Variants in VGLL3 observed in about 807,000 individuals in gnomAD.
VGLL3 encodes transcription cofactor vestigial-like protein 3.
In VGLL3, 18 loss-of-function variants were observed where a neutral mutation model predicts 29.2. That is an observed-to-expected ratio of 0.62 (90% CI 0.43 to 0.91). VGLL3 has a LOEUF of 0.91. VGLL3 is among the 40% of genes least tolerant of loss of function. VGLL3 has a pLI of 0.00. For synonymous variants in VGLL3, 180 were observed against 151.8 expected, an observed-to-expected ratio of 1.19 and a Z score of -1.36; for missense variants, 440 against 413.2, an observed-to-expected ratio of 1.06 and a Z score of -0.56.
chr3:86,946,916 C>T lies in VGLL3; in HGVS notation c.*108G>A. The T allele has an allele frequency of 2.8e-6, 2 of 725,966 alleles. No individual in the cohort carries two copies. Among genetic ancestry groups the T allele is most frequent in the South Asian group, 1.6e-5 (1 of 64,354 alleles). The allele number at this position is 725,966 out of a possible 1,614,324, so 45.0% of individuals were successfully genotyped here. On this transcript the variant is annotated 3_prime_UTR_variant, in exon 4 of 4. Transcript: ENST00000398399. ...TCAACTGCGTGACACTTTGTCTTCTCCTTCTATGCCTTTCGTGTCCTATTG... is the reference window on the plus strand; with the variant it reads ...TCAACTGCGTGACACTTTGTCTTCTTCTTCTATGCCTTTCGTGTCCTATTG...
intron 3 of VGLL3, chr3:86,961,862 A>C (rs1311000156): frequency 2.3e-6 from 2 of 884,298 alleles, no homozygotes; most frequent in Non-Finnish European, 2.7e-6. Context: ...CCCTCAAAAA[A>C]TGTGTTCATC....
intron 3 of VGLL3, chr3:86,962,530 C>T: frequency 1.0e-6 from 1 of 983,698 alleles, no homozygotes; most frequent in Non-Finnish European, 1.2e-6. Context: ...TGAATCTTAA[C>T]AATTTAAATA....
chr3:86,955,493 G>T (rs768660891), intron 3 of VGLL3, among the ~76,000 whole-genome samples: 1 of 151,068 alleles, frequency 6.6e-6, no homozygotes, highest in East Asian at 2.0e-4. Flanking sequence ...GGGTTCAAGC[G>T]ATTCTCATGC....
At chr3:86,962,530 C>A in intron 3 of VGLL3, 1 of 983,698 alleles carries the variant, frequency 1.0e-6, no homozygotes. Flanking sequence ...TGAATCTTAA[C>A]AATTTAAATA....
At chr3:86,958,195 A>T (rs1321472904) in intron 3 of VGLL3, among the ~76,000 whole-genome samples, 1 of 152,152 alleles carries the variant, frequency 6.6e-6, no homozygotes, top group Non-Finnish European at 1.5e-5. Flanking sequence ...CATTGTCACA[A>T]TAAACATTTT....
Position 86,946,109 on chromosome 3 carries a change from T to C in VGLL3, c.*915A>G, listed in dbSNP as rs149885454. The C allele has an allele frequency of 6.6e-6, 1 of 152,306 alleles. No homozygotes were observed. The highest frequency in any genetic ancestry group is 1.9e-4 in the East Asian group (1 of 5,182). The allele number at this position is 152,306 out of a possible 1,614,324, so 9.4% of individuals were successfully genotyped here. ...ATGCATTTTTTTCCTTGTAGTTGTA[T>C]ATAACCTCTGGTTCCATTTATCAAA... On this transcript the variant is annotated 3_prime_UTR_variant, in exon 4 of 4. Transcript: ENST00000398399.
At chr3:86,990,567 C>A in intron 1 of VGLL3, 51 bp downstream of exon 1, 1 of 1,313,976 alleles carries the variant, frequency 7.6e-7, no homozygotes, top group Non-Finnish European at 9.8e-7. Flanking sequence ...GACCGATACT[C>A]TCGATGCCCT....
At position 86,957,241 on chromosome 3, in the gene VGLL3, C is replaced by T. The variant is rs190611064; in HGVS notation, c.938-10174G>A. ...AATCAATACAAAAGCACCTAGTTTT[C>T]ACTGCACGGCCAATATCAGCAAACA... On this transcript the variant is annotated intron_variant, in intron 3 of 3. Transcript: ENST00000398399. Among the ~76,000 whole-genome samples the T allele has an allele frequency of 4.6e-5, 7 of 152,276 alleles. No individual in the cohort carries two copies. The East Asian group carries it at 1.4e-3, about 29-fold the overall frequency.
chr3:86,990,677 T>A lies in VGLL3; in HGVS notation c.67A>T (p.Met23Leu). The A allele has an allele frequency of 7.4e-7, 1 of 1,354,288 alleles. No individual in the cohort carries two copies. Among genetic ancestry groups the A allele is most frequent in the Non-Finnish European group, 9.6e-7 (1 of 1,044,714 alleles). 83.9% of individuals were successfully genotyped at this position (1,354,288 alleles called of 1,614,324 possible). A position where few individuals can be genotyped will look rare whatever the true frequency, so the allele number is the denominator to read the frequency against. The change falls in exon 1 of 4, where the codon ATG (methionine) becomes TTG (leucine). Residue 23 changes from methionine to leucine, a missense_variant. Coordinates refer to ENST00000398399, the MANE Select transcript of VGLL3 (RefSeq NM_016206.4). ...GCTGTGGGGCAGGTTGTCGCTGCCATGGGGTTGGGCAGATACTGGGACGCT... is the reference window on the plus strand; with the variant it reads ...GCTGTGGGGCAGGTTGTCGCTGCCAAGGGGTTGGGCAGATACTGGGACGCT... Reference protein sequence around the residue: ...YGASQYLPNPMAATTCPTAYY... With the variant: ...YGASQYLPNPLAATTCPTAYY...
intron 2 of VGLL3, among the ~76,000 whole-genome samples, chr3:86,977,353 A>G (rs560970865): frequency 2.0e-4 from 31 of 152,302 alleles, no homozygotes; most frequent in African/African-American, 7.5e-4. Context: ...GGACTTCTAC[A>G]GTAGAGCAGA....
In VGLL3 at chr3:86,990,963, AGCCCCTCCG is replaced by A. The variant is rs1285450784; in HGVS notation, c.-229_-221del. The stretch of plus-strand genomic sequence containing the variant: ...CCCATGCGCGGGCACCTTCATCTTC[AGCCCCTCCG>A]GATGTTCCCTGCCGCGCTTATATAG... On this transcript the variant is annotated 5_prime_UTR_variant, in exon 1 of 4. Transcript: ENST00000398399. The A allele has an allele frequency of 9.5e-7, 1 of 1,050,996 alleles. No homozygotes were observed. The highest frequency in any genetic ancestry group is 1.1e-6 in the Non-Finnish European group (1 of 871,056). The allele number at this position is 1,050,996 out of a possible 1,614,324, so 65.1% of individuals were successfully genotyped here. A position where few individuals can be genotyped will look rare whatever the true frequency, so the allele number is the denominator to read the frequency against.
At chr3:86,953,428 A>G (rs888600823) in intron 3 of VGLL3, among the ~76,000 whole-genome samples, 12 of 152,108 alleles carry the variant, frequency 7.9e-5, no homozygotes, top group African/African-American at 2.9e-4. Flanking sequence ...ACACACACAC[A>G]CACGGGTGTA....
In VGLL3 at chr3:86,946,009, CT is replaced by C. The variant is rs1704498917; in HGVS notation, c.*1014del. ...AAAACAAATCCCACTTAAAATATGA[CT>C]TTTTAAATTGCCATGAATGAATAAT... On this transcript the variant is annotated 3_prime_UTR_variant, in exon 4 of 4. Transcript: ENST00000398399. The C allele has an allele frequency of 6.6e-6, 1 of 152,082 alleles. No individual in the cohort carries two copies. Among genetic ancestry groups the C allele is most frequent in the Admixed American group, 6.6e-5 (1 of 15,254 alleles). The allele number at this position is 152,082 out of a possible 1,614,324, so 9.4% of individuals were successfully genotyped here. A position where few individuals can be genotyped will look rare whatever the true frequency, so the allele number is the denominator to read the frequency against.
chr3:86,963,024 G>T, intron 3 of VGLL3: 2 of 234,506 alleles, frequency 8.5e-6, no homozygotes, highest in Middle Eastern at 6.2e-4. Flanking sequence ...GAACTCGGGA[G>T]GCAGAGGTTG....
chr3:86,962,556 A>G, intron 3 of VGLL3: 2 of 976,830 alleles, frequency 2.0e-6, no homozygotes, highest in Non-Finnish European at 2.4e-6. Context: ...AAAAAATTTA[A>G]AAAACAAAAA....
intron 3 of VGLL3, among the ~76,000 whole-genome samples, chr3:86,964,701 A>G (rs1704922798): frequency 1.3e-5 from 2 of 152,204 alleles, no homozygotes; most frequent in Admixed American, 6.5e-5. Context: ...GCATCTAGAA[A>G]ACAGGCCCTT....
At chr3:86,956,379 G>C (rs1016925412) in intron 3 of VGLL3, among the ~76,000 whole-genome samples, 18 of 152,170 alleles carry the variant, frequency 1.2e-4, no homozygotes, top group African/African-American at 4.1e-4. Flanking sequence ...CTTTTGGGAA[G>C]ACAAGTTTTA....
chr3:86,985,610 C>T (rs1467996718), intron 1 of VGLL3, among the ~76,000 whole-genome samples: 1 of 152,094 alleles, frequency 6.6e-6, no homozygotes, highest in Non-Finnish European at 1.5e-5. Context: ...TCTAATGGTT[C>T]AAGGCAGTCT....
At chr3:86,958,344 T>C (rs1437901556) in intron 3 of VGLL3, among the ~76,000 whole-genome samples, 2 of 152,170 alleles carry the variant, frequency 1.3e-5, no homozygotes, top group Non-Finnish European at 2.9e-5. Context: ...AAACTCTAAT[T>C]TTCTACCAGC....
Sources: allele counts gnomAD v4.1 joint callset (sites outside exome capture counted in the v4.1 genomes callset), GRCh38; gene constraint gnomAD v4.1.1; transcripts MANE v1.5; gene names NCBI Gene and HGNC (gene_info 2026-07-23, HGNC 2026-07-21).